The following CENPK variants were observed in gnomAD, a reference collection of about 807,000 sequenced individuals.
CENPK encodes the protein SoxLZ/Sox6-binding protein Solt.
Under a neutral mutation model 40.9 loss-of-function variants are expected in CENPK, and 46 were observed. That is an observed-to-expected ratio of 1.13 (90% CI 0.89 to 1.44). CENPK has a LOEUF of 1.44. Among genes scored for constraint, CENPK ranks in the 40% most tolerant of loss-of-function variants. CENPK has a pLI of 0.00. For synonymous variants in CENPK, 107 were observed against 104.4 expected (o/e 1.02, Z -0.15); for missense variants, 288 against 303.5 (o/e 0.95, Z 0.38).
At chr5:65,536,867 T>A (rs1038149969) in intron 6 of CENPK, among the ~76,000 whole-genome samples, 3 of 152,232 alleles carry the variant, frequency 2.0e-5, no homozygotes, top group Non-Finnish European at 4.4e-5. Context: ...TTGGTTGCCA[T>A]TGTGGCAGTG....
chr5:65,516,994 G>A (rs557222836), downstream of CENPK, among the ~76,000 whole-genome samples: 1 of 151,904 alleles, frequency 6.6e-6, no homozygotes, highest in Non-Finnish European at 1.5e-5. Flanking sequence ...CCAGGCTGGA[G>A]TGCAGTGGCG....
chr5:65,558,028 C>T (rs181244521), intron 2 of CENPK, among the ~76,000 whole-genome samples: 23 of 152,164 alleles, frequency 1.5e-4, no homozygotes, highest in Admixed American at 9.2e-4. Context: ...CACTTGAGCC[C>T]GGTGAACCCA....
chr5:65,517,052 C>T (rs1248681227), downstream of CENPK, among the ~76,000 whole-genome samples: 2 of 152,024 alleles, frequency 1.3e-5, no homozygotes, highest in Admixed American at 1.3e-4. Context: ...AAGCGATTCC[C>T]CTGCCTCAGC....
At chr5:65,550,816 T>C (rs1749861460) in intron 5 of CENPK, 1 of 152,696 alleles carries the variant, frequency 6.5e-6, no homozygotes. Context: ...ATTTTTATGC[T>C]GTCTTCTACT....
At chr5:65,529,308 T>A in intron 6 of CENPK, 109 bp from the exon 7 acceptor site, 1 of 695,844 alleles carries the variant, frequency 1.4e-6, no homozygotes, top group Non-Finnish European at 2.4e-6. Context: ...CAGACATCAG[T>A]AGTGAAAAAG....
intron 1 of CENPK, among the ~76,000 whole-genome samples, chr5:65,562,156 A>G (rs1752086469): frequency 6.6e-6 from 1 of 151,540 alleles, no homozygotes; most frequent in Non-Finnish European, 1.5e-5. Context: ...CTACATTATT[A>G]TTATCATTAT....
At chr5:65,557,091 T>C (rs755071960) in intron 2 of CENPK, among the ~76,000 whole-genome samples, 3 of 152,016 alleles carry the variant, frequency 2.0e-5, no homozygotes, top group South Asian at 4.1e-4. Flanking sequence ...CCAGGAGCTA[T>C]TGAGGTAAGA....
chr5:65,555,252 A>G (rs1467553627), intron 2 of CENPK: 2 of 168,562 alleles, frequency 1.2e-5, no homozygotes, highest in Non-Finnish European at 2.5e-5. Flanking sequence ...GAAATTGACA[A>G]CTGAGTAAGA....
the CENPK span, among the ~76,000 whole-genome samples, chr5:65,496,347 T>C: frequency 4.6e-5 from 7 of 152,140 alleles, no homozygotes; most frequent in Admixed American, 3.9e-4. Context: ...CGGTGCTATT[T>C]CTAAGAGTGA....
intron 2 of CENPK, among the ~76,000 whole-genome samples, chr5:65,556,559 T>C (rs1185134927): frequency 1.3e-5 from 2 of 152,022 alleles, no homozygotes; most frequent in Admixed American, 6.6e-5. Context: ...TATGAAAGAG[T>C]TGATATGTTA....
Position 65,561,550 on chromosome 5 carries a change from C to A in CENPK, c.-127G>T. The A allele has an allele frequency of 2.2e-6, 1 of 455,776 alleles. No homozygotes were observed. The allele number at this position is 455,776 out of a possible 1,614,324, so 28.2% of individuals were successfully genotyped here. Reference sequence around the variant, plus strand: ...AAATGATGGCACCCAGATCTTGAATCTCCAGCCTCTAGACCTGTGAGAAAT... The same window carrying A: ...AAATGATGGCACCCAGATCTTGAATATCCAGCCTCTAGACCTGTGAGAAAT... On this transcript the variant is annotated 5_prime_UTR_variant, in exon 2 of 11. Transcript: ENST00000396679.
At position 65,518,041 on chromosome 5, in the gene CENPK, C is replaced by T. The variant is rs1457981299; in HGVS notation, c.*434G>A. On this transcript the variant is annotated 3_prime_UTR_variant, in exon 11 of 11. Transcript: ENST00000396679. The stretch of plus-strand genomic sequence containing the variant: ...TAAATTATGCCACCTCAGATATTAC[C>T]TCAATTTTAAAACCATCTGTAAATT... 6.6e-6 allele frequency: 1 copy of T among 152,056 alleles called. No homozygotes were observed. Among genetic ancestry groups the T allele is most frequent in the Non-Finnish European group, 1.5e-5 (1 of 68,056 alleles). 9.4% of individuals were successfully genotyped at this position (152,056 alleles called of 1,614,324 possible). A position where few individuals can be genotyped will look rare whatever the true frequency, so the allele number is the denominator to read the frequency against.
At position 65,562,350 on chromosome 5, in the gene CENPK, GA is replaced by G. The variant is rs1227466061; in HGVS notation, c.-142+747del. On this transcript the variant is annotated intron_variant, in intron 1 of 10. Coordinates refer to ENST00000396679, the MANE Select transcript of CENPK (RefSeq NM_022145.5). ...TCTGATGAGAGCAGAGGGCAGAGAA[GA>G]AATGAGACTTGCTAGGTAGAATGGT... Among the ~76,000 whole-genome samples, 19 of 152,274 alleles carry G rather than the reference GA, an allele frequency of 1.2e-4. No individual in the cohort carries two copies. The East Asian group carries it at 3.3e-3, about 26-fold the overall frequency.
At chr5:65,517,315 C>T (rs1315103027), downstream of CENPK, among the ~76,000 whole-genome samples, 3 of 151,982 alleles carry the variant, frequency 2.0e-5, no homozygotes, top group Non-Finnish European at 2.9e-5. Context: ...GACAACAGTA[C>T]TACCTGCTCT....
intron 6 of CENPK, among the ~76,000 whole-genome samples, chr5:65,531,573 G>A (rs1446758144): frequency 2.7e-5 from 4 of 150,726 alleles, no homozygotes; most frequent in Non-Finnish European, 4.4e-5. Context: ...GCACTATCTC[G>A]GCTCACTGCA....
At chr5:65,557,464 T>C (rs1751175008) in intron 2 of CENPK, among the ~76,000 whole-genome samples, 1 of 152,228 alleles carries the variant, frequency 6.6e-6, no homozygotes, top group Non-Finnish European at 1.5e-5. Flanking sequence ...TCTGGCTTTC[T>C]GTGTCTTGGA....
chr5:65,525,687 A>G (rs1328479049), intron 9 of CENPK, among the ~76,000 whole-genome samples: 1 of 152,236 alleles, frequency 6.6e-6, no homozygotes, highest in African/African-American at 2.4e-5. Context: ...AAAGTCTTAA[A>G]TAACGTAATA....
chr5:65,551,464 C>A, intron 5 of CENPK, 100 bp downstream of exon 5: 1 of 657,728 alleles, frequency 1.5e-6, no homozygotes, highest in South Asian at 2.8e-5. Flanking sequence ...TGGGCAATTT[C>A]AAAAAGGCCA....
the CENPK span, among the ~76,000 whole-genome samples, chr5:65,508,630 C>CA: frequency 6.6e-6 from 1 of 151,538 alleles, no homozygotes; most frequent in Non-Finnish European, 1.5e-5. Context: ...ACTAAAAATA[C>CA]AAAAAATTAG....
Sources: allele counts gnomAD v4.1 joint callset (sites outside exome capture counted in the v4.1 genomes callset), GRCh38; gene constraint gnomAD v4.1.1; transcripts MANE v1.5; gene names NCBI Gene and HGNC (gene_info 2026-07-23, HGNC 2026-07-21).